The following PDE4B variants were observed in gnomAD, a reference collection of about 807,000 sequenced individuals.
PDE4B encodes 3',5'-cyclic-AMP phosphodiesterase 4B.
PDE4B carries 20 observed loss-of-function variants against 82.2 expected under a neutral mutation model. That is an observed-to-expected ratio of 0.24 (90% CI 0.17 to 0.35). PDE4B has a LOEUF of 0.35. Ranked by LOEUF, PDE4B falls within the 10% of genes least tolerant of loss-of-function variation. PDE4B has a pLI of 1.00. For synonymous variants in PDE4B, 320 were observed against 318.9 expected (o/e 1.00, Z -0.04); for missense variants, 655 against 907.2 (o/e 0.72, Z 3.57).
intron 7 of PDE4B, among the ~76,000 whole-genome samples, chr1:66,276,874 T>A (rs1447633835): frequency 6.6e-6 from 1 of 152,230 alleles, no homozygotes; most frequent in African/African-American, 2.4e-5. Context: ...ATGGGAATAA[T>A]ACTAGTACTT....
chr1:66,165,331 G>T (rs373979389), intron 3 of PDE4B, among the ~76,000 whole-genome samples: 2 of 152,080 alleles, frequency 1.3e-5, no homozygotes, highest in Non-Finnish European at 2.9e-5. Flanking sequence ...GCAAATTGCA[G>T]TTCATTATTT....
chr1:66,042,641 A>G (rs1342149886), intron 3 of PDE4B: 1 of 151,744 alleles, frequency 6.6e-6, no homozygotes, highest in Admixed American at 6.6e-5. Flanking sequence ...TCTTTTAAGG[A>G]TATTGTCCTT....
chr1:66,214,114 G>A (rs1037353603), intron 3 of PDE4B, among the ~76,000 whole-genome samples: 1 of 152,118 alleles, frequency 6.6e-6, no homozygotes, highest in African/African-American at 2.4e-5. Flanking sequence ...TGATGATGAA[G>A]GCTAAGCAAC....
At chr1:65,930,519 G>T (rs1472300725) in intron 3 of PDE4B, among the ~76,000 whole-genome samples, 1 of 152,248 alleles carries the variant, frequency 6.6e-6, no homozygotes, top group Non-Finnish European at 1.5e-5. Flanking sequence ...GGGCGGAGCT[G>T]CCCAAGGCCT....
intron 1 of PDE4B, among the ~76,000 whole-genome samples, chr1:65,875,556 G>T (rs370829369): frequency 2.1e-5 from 3 of 144,724 alleles, no homozygotes; most frequent in African/African-American, 7.7e-5. Flanking sequence ...CAACCCAAAT[G>T]TCCAACAATG....
chr1:66,322,088 A>G (rs1659444050), intron 7 of PDE4B, among the ~76,000 whole-genome samples: 1 of 152,200 alleles, frequency 6.6e-6, no homozygotes, highest in Admixed American at 6.5e-5. Flanking sequence ...TCCCTATTTA[A>G]TAAACGGTGC....
At chr1:65,954,677 G>A (rs1457063161) in intron 3 of PDE4B, among the ~76,000 whole-genome samples, 1 of 151,930 alleles carries the variant, frequency 6.6e-6, no homozygotes, top group Admixed American at 6.6e-5. Context: ...AATATTAGAA[G>A]AAAATTTTAA....
intron 3 of PDE4B, among the ~76,000 whole-genome samples, chr1:66,070,915 ACAT>A (rs1388977769): frequency 6.6e-6 from 1 of 152,104 alleles, no homozygotes; most frequent in Non-Finnish European, 1.5e-5. Context: ...ATTGGATATG[ACAT>A]CATTTTATTG....
intron 3 of PDE4B, among the ~76,000 whole-genome samples, chr1:66,054,914 T>A: frequency 6.6e-6 from 1 of 152,134 alleles, no homozygotes; most frequent in South Asian, 2.1e-4. Context: ...CCTATAATAT[T>A]GTGCCGATAA....
At chr1:66,027,880 C>T (rs1653536662) in intron 3 of PDE4B, among the ~76,000 whole-genome samples, 1 of 152,234 alleles carries the variant, frequency 6.6e-6, no homozygotes, top group African/African-American at 2.4e-5. Flanking sequence ...TTGCAGGGTA[C>T]AGCCCTCCCT....
intron 3 of PDE4B, among the ~76,000 whole-genome samples, chr1:66,171,693 C>A (rs74084644): frequency 0.024 from 3,717 of 152,060 alleles, 142 homozygotes; most frequent in African/African-American, 0.086. Flanking sequence ...CTCAAGCAGG[C>A]CTGAGCTTTA....
chr1:65,994,663 A>G (rs1490410511), intron 3 of PDE4B, among the ~76,000 whole-genome samples: 1 of 152,182 alleles, frequency 6.6e-6, no homozygotes, highest in Non-Finnish European at 1.5e-5. Context: ...AATAATATAT[A>G]CAGAAAATAC....
In PDE4B at chr1:66,340,161, T is replaced by G. The variant is rs1660867517; in HGVS notation, c.747+7541T>G. ...TTCCCTCTAGCATTTTTCAGGGACC[T>G]ACCAGCACCTCTCTGTCTTGCTCAC... On this transcript the variant is annotated intron_variant, in intron 8 of 16. Coordinates refer to ENST00000341517, the MANE Select transcript of PDE4B (RefSeq NM_002600.4). Among the ~76,000 whole-genome samples, 6 of 152,204 alleles carry G rather than the reference T, an allele frequency of 3.9e-5. No homozygotes were observed. In the South Asian group the frequency reaches 1.2e-3, roughly 32 times the overall value.
intron 3 of PDE4B, among the ~76,000 whole-genome samples, chr1:66,118,086 T>C (rs950149156): frequency 6.6e-6 from 1 of 152,288 alleles, no homozygotes; most frequent in Admixed American, 6.5e-5. Context: ...TTTTCATGTG[T>C]CTTTTGGCTG....
chr1:66,040,463 C>G (rs1009482499), intron 3 of PDE4B, among the ~76,000 whole-genome samples: 14 of 151,914 alleles, frequency 9.2e-5, no homozygotes, highest in Admixed American at 6.6e-4. Flanking sequence ...ATTCTTTGCT[C>G]CATTAGGGGA....
At chr1:65,815,025 A>T (rs1340539745) in intron 1 of PDE4B, among the ~76,000 whole-genome samples, 1 of 4,368 alleles carries the variant, frequency 2.3e-4, no homozygotes, top group African/African-American at 4.6e-4. Context: ...CACACATTTT[A>T]TTTATTTATT....
Position 65,887,654 on chromosome 1 carries a change from G to A in PDE4B, c.-70-25591G>A, listed in dbSNP as rs560097941. ...GCTGGTCTCAAACTTCTGATCTCAAGCAATCCACCTGCCTCGGCCTCCCAA... is the reference window on the plus strand; with the variant it reads ...GCTGGTCTCAAACTTCTGATCTCAAACAATCCACCTGCCTCGGCCTCCCAA... On this transcript the variant is annotated intron_variant, in intron 1 of 16. Coordinates refer to ENST00000341517, the MANE Select transcript of PDE4B (RefSeq NM_002600.4). Among the ~76,000 whole-genome samples, 10 of 151,678 alleles carry A rather than the reference G, an allele frequency of 6.6e-5. 1 individual carries two copies. In the South Asian group the frequency reaches 1.9e-3, roughly 28 times the overall value.
At chr1:66,095,042 A>G (rs1288144176) in intron 3 of PDE4B, among the ~76,000 whole-genome samples, 3 of 151,856 alleles carry the variant, frequency 2.0e-5, no homozygotes, top group African/African-American at 7.2e-5. Flanking sequence ...TTGGAAAGCA[A>G]AGGTGGAATT....
In PDE4B at chr1:66,331,952, A is replaced by C. The variant is rs953259836; in HGVS notation, c.635-556A>C. The C allele has an allele frequency of 5.0e-6, 5 of 1,001,912 alleles. No individual in the cohort carries two copies. In the African/African-American group the frequency reaches 8.7e-5, roughly 17 times the overall value. The allele number at this position is 1,001,912 out of a possible 1,614,324, so 62.1% of individuals were successfully genotyped here. A position where few individuals can be genotyped will look rare whatever the true frequency, so the allele number is the denominator to read the frequency against. On this transcript the variant is annotated intron_variant, in intron 7 of 16. Coordinates refer to ENST00000341517, the MANE Select transcript of PDE4B (RefSeq NM_002600.4). ...TCGCTGAATTAGAAGTTATTCCAAC[A>C]TGAACACAATCCTCAGGATGAATGA...
Sources: allele counts gnomAD v4.1 joint callset (sites outside exome capture counted in the v4.1 genomes callset), GRCh38; gene constraint gnomAD v4.1.1; transcripts MANE v1.5; gene names NCBI Gene and HGNC (gene_info 2026-07-23, HGNC 2026-07-21).